Variants in PUM1 observed in about 807,000 individuals in gnomAD.
The protein encoded by PUM1 is pumilio RNA binding family member 1, also known as pumilio homolog 1.
In PUM1, 13 loss-of-function variants were observed where a neutral mutation model predicts 131.8. That is an observed-to-expected ratio of 0.10 (90% CI 0.06 to 0.16). The LOEUF is 0.16. Among genes scored for constraint, PUM1 ranks in the 10% least tolerant of loss-of-function variants. PUM1 has a pLI of 1.00. For missense variants in PUM1, 961 were observed against 1,512.4 expected (o/e 0.64, Z 6.05); for synonymous variants, 509 against 556.5 (o/e 0.91, Z 1.20).
chr1:31,003,759 A>G (rs1037453593), intron 5 of PUM1, among the ~76,000 whole-genome samples: 1 of 152,138 alleles, frequency 6.6e-6, no homozygotes, highest in Non-Finnish European at 1.5e-5. Context: ...CTCCACCTCA[A>G]TAATAATAAC....
chr1:30,959,183 A>G (rs1370941853), intron 14 of PUM1, among the ~76,000 whole-genome samples: 1 of 152,240 alleles, frequency 6.6e-6, no homozygotes, highest in Non-Finnish European at 1.5e-5. Context: ...TACCTGGTCA[A>G]GTTTATCAAA....
chr1:30,972,207 T>C (rs1276907664), intron 10 of PUM1, among the ~76,000 whole-genome samples: 1 of 142,390 alleles, frequency 7.0e-6, no homozygotes, highest in Non-Finnish European at 1.5e-5. Flanking sequence ...GTGAGCAAAC[T>C]TGGCGCCACT....
At chr1:31,000,076 G>C (rs1350186102) in intron 5 of PUM1, among the ~76,000 whole-genome samples, 3 of 152,194 alleles carry the variant, frequency 2.0e-5, no homozygotes, top group African/African-American at 7.2e-5. Flanking sequence ...TTGGTCTGTA[G>C]AGGTTCCTGC....
chr1:30,934,599 C>T (rs1204463326), intron 21 of PUM1, among the ~76,000 whole-genome samples: 1 of 152,252 alleles, frequency 6.6e-6, no homozygotes, highest in African/African-American at 2.4e-5. Context: ...CTCCCTTAAA[C>T]TCACCTGTAA....
At chr1:30,976,215 G>C (rs1334886881) in intron 9 of PUM1, among the ~76,000 whole-genome samples, 1 of 152,108 alleles carries the variant, frequency 6.6e-6, no homozygotes, top group Non-Finnish European at 1.5e-5. Flanking sequence ...AAATTATGCA[G>C]ATATCAACCC....
intron 3 of PUM1, among the ~76,000 whole-genome samples, chr1:31,016,797 T>C (rs771995542): frequency 3.9e-5 from 6 of 152,212 alleles, no homozygotes; most frequent in Non-Finnish European, 8.8e-5. Flanking sequence ...AAAATGCCTC[T>C]TTTGGCTGAA....
chr1:31,019,075 G>A (rs1019598788), intron 3 of PUM1, among the ~76,000 whole-genome samples: 7 of 152,158 alleles, frequency 4.6e-5, no homozygotes, highest in East Asian at 1.9e-4. Context: ...CAACCAGGTC[G>A]GGTGTGGTGG....
chr1:31,048,879 C>T (rs1431711270), intron 2 of PUM1, among the ~76,000 whole-genome samples: 2 of 152,074 alleles, frequency 1.3e-5, no homozygotes, highest in Non-Finnish European at 1.5e-5. Context: ...ATCTCACTAC[C>T]ACCTATCATA....
In PUM1 at chr1:30,955,443, C is replaced by T. The variant is rs547107617; in HGVS notation, c.2324-1462G>A. Reference sequence around the variant, plus strand: ...TTGTGCCACTGCACTCCAGCCTGGGCGACAGAGCAAGACTCCATCTGAAAA... The same window carrying T: ...TTGTGCCACTGCACTCCAGCCTGGGTGACAGAGCAAGACTCCATCTGAAAA... On this transcript the variant is annotated intron_variant, in intron 14 of 21. Coordinates refer to ENST00000426105, the MANE Select transcript of PUM1 (RefSeq NM_001020658.2). Among the ~76,000 whole-genome samples, 13 of 146,386 alleles carry T rather than the reference C, an allele frequency of 8.9e-5. No homozygotes were observed. The South Asian group carries it at 2.4e-3, about 27-fold the overall frequency.
chr1:31,062,493 ACCTGTAGT>A (rs1245828250), intron 1 of PUM1, among the ~76,000 whole-genome samples: 3 of 151,734 alleles, frequency 2.0e-5, no homozygotes, highest in Non-Finnish European at 2.9e-5. Context: ...GGTGGCACGC[ACCTGTAGT>A]CCCAGCTACT....
chr1:30,999,606 C>CAAAAAAAAAAA lies in PUM1; in HGVS notation c.721-4397_721-4387dup, dbSNP rs56936440. On this transcript the variant is annotated intron_variant, in intron 5 of 21. Transcript: ENST00000426105. ...TGGGTGACAGAGCAAGACTCTGTCT[C>CAAAAAAAAAAA]AAAAAAAAAAAAAAAAAAAAAAAAA... Among the ~76,000 whole-genome samples, 12 of 53,954 alleles carry CAAAAAAAAAAA rather than the reference C, an allele frequency of 2.2e-4. 1 individual carries two copies. The highest frequency in any genetic ancestry group is 6.2e-4 in the African/African-American group (9 of 14,430). 35.4% of individuals were successfully genotyped at this position (53,954 alleles called of 152,430 possible).
rs570716118 is a variant in PUM1 at position 30,988,788 on chromosome 1, C to A, written c.1158+3602G>T. ...TCCCAGCTCCATACCTCTGCTCTGA[C>A]CTGCAACAAAATGTATTCCACCTGT... is the stretch of plus-strand genomic sequence containing the variant. On this transcript the variant is annotated intron_variant, in intron 7 of 21. Transcript: ENST00000426105. Among the ~76,000 whole-genome samples the A allele has an allele frequency of 2.3e-4, 35 of 152,302 alleles. No individual in the cohort carries two copies. In the East Asian group the frequency reaches 2.3e-3, roughly 10 times the overall value.
At chr1:30,951,561 T>C (rs1335442187) in intron 16 of PUM1, among the ~76,000 whole-genome samples, 1 of 151,784 alleles carries the variant, frequency 6.6e-6, no homozygotes, top group African/African-American at 2.4e-5. Context: ...TTTGTGCCAT[T>C]CTGCATCTAC....
intron 7 of PUM1, 119 bp from the exon 8 acceptor site, chr1:30,981,524 A>C (rs1389313162): frequency 7.2e-6 from 4 of 553,004 alleles, no homozygotes; most frequent in Non-Finnish European, 9.9e-6. Context: ...TTAACAATAA[A>C]TGTTCTCACA....
intron 2 of PUM1, among the ~76,000 whole-genome samples, chr1:31,042,827 C>T (rs1005301517): frequency 3.9e-5 from 6 of 152,204 alleles, no homozygotes; most frequent in Non-Finnish European, 5.9e-5. Context: ...TGCAGTAGCA[C>T]GACGTCGGCT....
At chr1:30,955,161 T>G (rs1038633830) in intron 14 of PUM1, among the ~76,000 whole-genome samples, 1 of 151,312 alleles carries the variant, frequency 6.6e-6, no homozygotes, top group African/African-American at 2.4e-5. Flanking sequence ...TATTTTAAAA[T>G]AACAAAATAA....
At chr1:30,951,563 T>C (rs1342839699) in intron 16 of PUM1, among the ~76,000 whole-genome samples, 2 of 151,936 alleles carry the variant, frequency 1.3e-5, no homozygotes, top group African/African-American at 4.8e-5. Context: ...TGTGCCATTC[T>C]GCATCTACAC....
chr1:31,064,212 A>G (rs539367493), intron 1 of PUM1, among the ~76,000 whole-genome samples: 13 of 152,330 alleles, frequency 8.5e-5, no homozygotes, highest in African/African-American at 3.1e-4. Context: ...CACACTTAAC[A>G]AACATTCTGT....
intron 16 of PUM1, among the ~76,000 whole-genome samples, chr1:30,951,171 G>A (rs1639919316): frequency 6.6e-6 from 1 of 152,184 alleles, no homozygotes. Context: ...ATCCAGAGAA[G>A]TTCTCAAGCT....
Sources: gnomAD v4.1 joint callset for allele counts (sites outside exome capture counted in the v4.1 genomes callset) on GRCh38, gnomAD v4.1.1 for gene constraint, MANE v1.5 for transcripts, NCBI Gene and HGNC (gene_info 2026-07-23, HGNC 2026-07-21) for gene names.